The following RNF166 variants were observed in gnomAD, a reference collection of about 807,000 sequenced individuals.
The protein encoded by RNF166 is ring finger protein 166.
Under a neutral mutation model 29.4 loss-of-function variants are expected in RNF166, and 19 were observed. The observed-to-expected ratio is 0.65, with a 90% CI of 0.45 to 0.95. RNF166 has a LOEUF of 0.95. Among genes scored for constraint, RNF166 ranks in the 40% least tolerant of loss-of-function variants. The pLI, the probability that RNF166 is intolerant of heterozygous loss-of-function variation, is 0.00. For synonymous variants in RNF166, 171 were observed against 134.5 expected, an observed-to-expected ratio of 1.27 and a Z score of -1.88; for missense variants, 347 against 322.1, an observed-to-expected ratio of 1.08 and a Z score of -0.59.
intron 2 of RNF166, 75 bp downstream of exon 2, chr16:88,701,187 C>A (rs1910186899): frequency 6.4e-7 from 1 of 1,569,676 alleles, no homozygotes; most frequent in Admixed American, 1.7e-5. Flanking sequence ...CCGGCCCCCA[C>A]CCTCTGCAGA....
chr16:88,699,542 G>C lies in RNF166; in HGVS notation c.425+78C>G, dbSNP rs1909991901. 5.2e-6 allele frequency: 6 copies of C among 1,155,444 alleles called. No homozygotes were observed. The Admixed American group carries it at 1.3e-4, about 25-fold the overall frequency. 71.6% of individuals were successfully genotyped at this position (1,155,444 alleles called of 1,614,324 possible). ...CGGGTGACTCCCCCAGCCTCTCTGG[G>C]ATGGGGCACTGCGCTTGCTCCCAGA... On this transcript the variant is annotated intron_variant, in intron 3 of 5. Transcript: ENST00000312838.
chr16:88,699,277 C>T (rs1160410422), intron 3 of RNF166, among the ~76,000 whole-genome samples, 192 bp from the exon 4 acceptor site: 1 of 152,252 alleles, frequency 6.6e-6, no homozygotes, highest in Non-Finnish European at 1.5e-5. Context: ...TCGTCCACCC[C>T]ACACAACTAG....
Position 88,697,360 on chromosome 16 carries a change from C to T in RNF166, c.*208G>A, listed in dbSNP as rs143100192. ...GAAGCACCGAAGAACCCAGCGACGC[C>T]GGTGGGACCAGGCGGCCCTGCTCTG... On this transcript the variant is annotated 3_prime_UTR_variant, in exon 6 of 6. Transcript: ENST00000312838. The T allele has an allele frequency of 0.024, 11,558 of 477,132 alleles. 215 individuals are homozygous for T. The highest frequency in any genetic ancestry group is 0.034 in the Non-Finnish European group (8,918 of 264,190). 29.6% of individuals were successfully genotyped at this position (477,132 alleles called of 1,614,324 possible).
chr16:88,703,499 G>A (rs947161326), intron 1 of RNF166: 3 of 985,438 alleles, frequency 3.0e-6, no homozygotes, highest in East Asian at 1.1e-4. Flanking sequence ...AGCCCGACTG[G>A]CAGGGCGGCT....
intron 1 of RNF166, chr16:88,703,927 C>A: frequency 2.0e-6 from 2 of 985,476 alleles, no homozygotes; most frequent in Non-Finnish European, 2.4e-6. Context: ...GCTCACACAG[C>A]CCTTCCAGGC....
chr16:88,703,558 C>T (rs1335883589), intron 1 of RNF166: 1 of 985,430 alleles, frequency 1.0e-6, no homozygotes, highest in South Asian at 4.7e-5. Context: ...GGTGGGTGCT[C>T]TATCGGCCTA....
rs945809336 is a variant in RNF166, at chr16:88,697,071, G to A, written c.*497C>T. The A allele has an allele frequency of 1.7e-5, 3 of 172,642 alleles. No homozygotes were observed. Among genetic ancestry groups the A allele is most frequent in the African/African-American group, 7.2e-5 (3 of 41,562 alleles). 10.7% of individuals were successfully genotyped at this position (172,642 alleles called of 1,614,324 possible). A position where few individuals can be genotyped will look rare whatever the true frequency, so the allele number is the denominator to read the frequency against. On this transcript the variant is annotated 3_prime_UTR_variant, in exon 6 of 6. Coordinates refer to ENST00000312838, the MANE Select transcript of RNF166 (RefSeq NM_178841.4). ...GTCTTTGCTCTATAAAACGTGAAAA[G>A]ATTATCACACTGGATAATATAGAAA...
intron 1 of RNF166, among the ~76,000 whole-genome samples, chr16:88,702,616 G>T (rs1910364725): frequency 6.6e-6 from 1 of 152,170 alleles, no homozygotes; most frequent in African/African-American, 2.4e-5. Flanking sequence ...TGTCCCCCAG[G>T]CCCTCTTTGC....
intron 2 of RNF166, chr16:88,700,978 T>C (rs924863654): frequency 1.9e-5 from 25 of 1,316,750 alleles, no homozygotes; most frequent in Non-Finnish European, 2.3e-5. Context: ...CCCTGGTCCT[T>C]ACCCTGGCCA....
At position 88,696,583 on chromosome 16, in the gene RNF166, C is replaced by A. The variant is rs1217587005; in HGVS notation, c.*985G>T. The stretch of plus-strand genomic sequence containing the variant: ...TGCCAAGAACAGAAAAGAATGTTGA[C>A]GTGTTGCCCGGCCCGCCAAGCGGGC... On this transcript the variant is annotated 3_prime_UTR_variant, in exon 6 of 6. Coordinates refer to ENST00000312838, the MANE Select transcript of RNF166 (RefSeq NM_178841.4). The A allele has an allele frequency of 2.2e-6, 1 of 453,600 alleles. No homozygotes were observed. The highest frequency in any genetic ancestry group is 1.6e-5 in the South Asian group (1 of 63,996). The allele number at this position is 453,600 out of a possible 1,614,324, so 28.1% of individuals were successfully genotyped here. A position where few individuals can be genotyped will look rare whatever the true frequency, so the allele number is the denominator to read the frequency against.
chr16:88,699,479 G>T lies in RNF166; in HGVS notation c.425+141C>A, dbSNP rs1403239132. The T allele has an allele frequency of 6.1e-6, 4 of 651,356 alleles. No homozygotes were observed. The East Asian group carries it at 1.1e-4, about 18-fold the overall frequency. 40.3% of individuals were successfully genotyped at this position (651,356 alleles called of 1,614,324 possible). ...CAGCACAGGAGCCTTCCTGCAGGGT[G>T]GCAAGGAAGGTCCACTTCCCCAGAG... is the stretch of plus-strand genomic sequence containing the variant. On this transcript the variant is annotated intron_variant, in intron 3 of 5. Coordinates refer to ENST00000312838, the MANE Select transcript of RNF166 (RefSeq NM_178841.4).
intron 5 of RNF166, chr16:88,698,160 G>A (rs534310417): frequency 3.3e-6 from 2 of 601,662 alleles, no homozygotes; most frequent in South Asian, 3.9e-5. Flanking sequence ...TGGAGTGTTC[G>A]ATGTTGATGA....
intron 1 of RNF166, among the ~76,000 whole-genome samples, chr16:88,705,071 T>C (rs894509428): frequency 2.0e-5 from 3 of 152,206 alleles, no homozygotes; most frequent in African/African-American, 7.2e-5. Context: ...GCAGAGCCTG[T>C]AGCAGCCTCA....
chr16:88,703,861 G>A, intron 1 of RNF166: 1 of 985,464 alleles, frequency 1.0e-6, no homozygotes, highest in Non-Finnish European at 1.2e-6. Context: ...GATCTGCCTG[G>A]CTGGCAGGCC....
chr16:88,701,185 C>G (rs919481060), intron 2 of RNF166, 77 bp downstream of exon 2: 12 of 1,565,142 alleles, frequency 7.7e-6, no homozygotes, highest in Admixed American at 1.7e-5. Flanking sequence ...CCCCGGCCCC[C>G]ACCCTCTGCA....
chr16:88,700,511 T>G, intron 2 of RNF166: 1 of 772,028 alleles, frequency 1.3e-6, no homozygotes. Flanking sequence ...ATCTGGACCT[T>G]CGACCTCGAG....
At position 88,697,327 on chromosome 16, in the gene RNF166, C is replaced by T. The variant is rs1022302115; in HGVS notation, c.*241G>A. ...CAGCCCTGCCCAAGTAGGCCGCCTG[C>T]TCGGCCAGAAGCACCGAAGAACCCA... On this transcript the variant is annotated 3_prime_UTR_variant, in exon 6 of 6. Transcript: ENST00000312838. 2 of 412,690 alleles carry T rather than the reference C, an allele frequency of 4.8e-6. No individual in the cohort carries two copies. The highest frequency in any genetic ancestry group is 8.8e-6 in the Non-Finnish European group (2 of 226,746). 25.6% of individuals were successfully genotyped at this position (412,690 alleles called of 1,614,324 possible). A position where few individuals can be genotyped will look rare whatever the true frequency, so the allele number is the denominator to read the frequency against.
intron 1 of RNF166, among the ~76,000 whole-genome samples, chr16:88,705,761 CA>C (rs1420449836): frequency 6.6e-6 from 1 of 152,234 alleles, no homozygotes; most frequent in Non-Finnish European, 1.5e-5. Flanking sequence ...GAGTTGATAG[CA>C]AAAACTACAA....
chr16:88,700,466 C>T (rs760479873), intron 2 of RNF166: 7 of 333,714 alleles, frequency 2.1e-5, no homozygotes, highest in Non-Finnish European at 2.6e-5. Flanking sequence ...GCCTGCTCAG[C>T]CGCACCACTC....
Sources: gnomAD v4.1 joint callset for allele counts (sites outside exome capture counted in the v4.1 genomes callset) on GRCh38, gnomAD v4.1.1 for gene constraint, MANE v1.5 for transcripts, NCBI Gene and HGNC (gene_info 2026-07-23, HGNC 2026-07-21) for gene names.